PDE3A: variants seen among roughly 807,000 people sequenced by gnomAD.
PDE3A encodes the protein phosphodiesterase 3A.
Under a neutral mutation model 98.3 loss-of-function variants are expected in PDE3A, and 43 were observed. That is an observed-to-expected ratio of 0.44 (90% CI 0.34 to 0.56). PDE3A has a LOEUF of 0.56. Among genes scored for constraint, PDE3A ranks in the 20% least tolerant of loss-of-function variants. The probability of loss-of-function intolerance (pLI) is 0.01; values close to 1 mark genes in which losing one functional copy is unlikely to be tolerated. For missense variants in PDE3A, 1,427 were observed against 1,440.7 expected (o/e 0.99, Z 0.15); for synonymous variants, 663 against 567.9 (o/e 1.17, Z -2.38).
chr12:20,639,239 GGATACCAGTA>G (rs1944591943), intron 9 of PDE3A, among the ~76,000 whole-genome samples: 2 of 151,974 alleles, frequency 1.3e-5, no homozygotes, highest in African/African-American at 2.4e-5. Flanking sequence ...TAAGAGTCAT[GGATACCAGTA>G]GACAATAAAA....
intron 5 of PDE3A, among the ~76,000 whole-genome samples, chr12:20,629,275 T>A (rs953177380): frequency 2.0e-5 from 3 of 152,162 alleles, no homozygotes; most frequent in African/African-American, 7.2e-5. Context: ...AATGGAAACT[T>A]TAGGTCTATT....
chr12:20,571,944 G>C, intron 2 of PDE3A: 1 of 1,057,278 alleles, frequency 9.5e-7, no homozygotes, highest in Non-Finnish European at 1.1e-6. Flanking sequence ...GGCATAAAAT[G>C]GGAAATTTGA....
Position 20,552,486 on chromosome 12 carries a change from G to A in PDE3A, c.961-4174G>A. 2 of 1,613,044 alleles carry A rather than the reference G, an allele frequency of 1.2e-6. No individual in the cohort carries two copies. The highest frequency in any genetic ancestry group is 2.7e-5 in the African/African-American group (2 of 75,020). ...ACCTGGAAGCCCTGGCCAACCGAGA[G>A]CGAGAGAAGGAGAACAGCAAGAGGG... On this transcript the variant is annotated intron_variant, in intron 1 of 15. Coordinates refer to ENST00000359062, the MANE Select transcript of PDE3A (RefSeq NM_000921.5). The surrounding 1 kb of genome is among the most constrained non-coding windows in gnomAD (Gnocchi z 5.1).
At chr12:20,392,730 G>A (rs1462464396) in intron 1 of PDE3A, among the ~76,000 whole-genome samples, 1 of 152,004 alleles carries the variant, frequency 6.6e-6, no homozygotes, top group African/African-American at 2.4e-5. Context: ...ATTAACTTCA[G>A]TGTCTATCAA....
chr12:20,488,058 G>A (rs932004267), intron 1 of PDE3A, among the ~76,000 whole-genome samples: 2 of 151,850 alleles, frequency 1.3e-5, no homozygotes, highest in Middle Eastern at 6.4e-3. Flanking sequence ...CGTTACCCAG[G>A]AGCATTATGA....
intron 2 of PDE3A, among the ~76,000 whole-genome samples, chr12:20,607,797 C>T (rs1943748745): frequency 1.3e-5 from 2 of 151,900 alleles, no homozygotes; most frequent in African/African-American, 2.4e-5. Flanking sequence ...TAGTGTGGCT[C>T]GTACTGCACT....
At chr12:20,409,452 T>C (rs1944294253) in intron 1 of PDE3A, among the ~76,000 whole-genome samples, 1 of 152,188 alleles carries the variant, frequency 6.6e-6, no homozygotes, top group African/African-American at 2.4e-5. Flanking sequence ...AAATAATTTT[T>C]ACCTACAATT....
At chr12:20,391,605 T>A (rs938053720) in intron 1 of PDE3A, among the ~76,000 whole-genome samples, 1 of 151,564 alleles carries the variant, frequency 6.6e-6, no homozygotes, top group Non-Finnish European at 1.5e-5. Context: ...TCCGTTTATG[T>A]ATGTGTTACT....
chr12:20,648,541 A>G lies in PDE3A; in HGVS notation c.2566-147A>G, dbSNP rs913797787. On this transcript the variant is annotated intron_variant, in intron 12 of 15. Coordinates refer to ENST00000359062, the MANE Select transcript of PDE3A (RefSeq NM_000921.5). ...AAAAATAATAGAGTCATTGTACAGT[A>G]ATAAGTGATTCTTAATAAGCAGGAG... The G allele has an allele frequency of 3.3e-5, 21 of 631,450 alleles. No individual in the cohort carries two copies. In the African/African-American group the frequency reaches 3.5e-4, roughly 10 times the overall value. 39.1% of individuals were successfully genotyped at this position (631,450 alleles called of 1,614,324 possible).
intron 2 of PDE3A, among the ~76,000 whole-genome samples, chr12:20,577,318 G>A (rs1476334203): frequency 6.6e-6 from 1 of 152,074 alleles, no homozygotes; most frequent in Admixed American, 6.6e-5. Context: ...ATGAAATGGT[G>A]GGTTAGGTAG....
intron 1 of PDE3A, among the ~76,000 whole-genome samples, chr12:20,483,009 C>CTA (rs1945658041): frequency 1.3e-5 from 2 of 152,068 alleles, no homozygotes; most frequent in South Asian, 2.1e-4. Flanking sequence ...TATTTCCTCT[C>CTA]TTTATAGCAC....
intron 1 of PDE3A, among the ~76,000 whole-genome samples, chr12:20,540,627 G>A (rs762631108): frequency 9.2e-5 from 14 of 152,098 alleles, no homozygotes; most frequent in Non-Finnish European, 1.6e-4. Flanking sequence ...TTTCAAATGC[G>A]ACTTTCTGAT....
intron 2 of PDE3A, among the ~76,000 whole-genome samples, chr12:20,605,770 G>A (rs2121424321): frequency 6.6e-6 from 1 of 152,286 alleles, no homozygotes; most frequent in Non-Finnish European, 1.5e-5. Context: ...CAATTCTAAT[G>A]TTTCAGCATT....
intron 15 of PDE3A, among the ~76,000 whole-genome samples, chr12:20,665,556 A>C (rs1945287403): frequency 6.6e-6 from 1 of 152,158 alleles, no homozygotes; most frequent in Non-Finnish European, 1.5e-5. Context: ...TAGAAGAGAA[A>C]CTATTTGGAA....
intron 15 of PDE3A, among the ~76,000 whole-genome samples, chr12:20,657,889 A>G (rs1218220677): frequency 4.6e-5 from 7 of 152,224 alleles, no homozygotes; most frequent in Admixed American, 4.6e-4. Flanking sequence ...CTATGAATGC[A>G]CTGCCATCAA....
intron 1 of PDE3A, among the ~76,000 whole-genome samples, chr12:20,429,262 G>A (rs746668512): frequency 3.3e-5 from 5 of 152,128 alleles, no homozygotes; most frequent in African/African-American, 4.8e-5. Flanking sequence ...AAGCCCATAC[G>A]TTCTAGTGAT....
At chr12:20,659,364 T>C (rs1176678393) in intron 15 of PDE3A, among the ~76,000 whole-genome samples, 1 of 152,162 alleles carries the variant, frequency 6.6e-6, no homozygotes, top group Non-Finnish European at 1.5e-5. Flanking sequence ...GTTAAAAGAA[T>C]GACTAGCCCT....
intron 1 of PDE3A, among the ~76,000 whole-genome samples, chr12:20,465,108 T>C (rs1244005322): frequency 6.6e-6 from 1 of 152,200 alleles, no homozygotes; most frequent in Admixed American, 6.5e-5. Context: ...TAGTTACATA[T>C]AGTTCATTAA....
chr12:20,432,992 T>G (rs1045474298), intron 1 of PDE3A, among the ~76,000 whole-genome samples: 1 of 152,120 alleles, frequency 6.6e-6, no homozygotes, highest in Non-Finnish European at 1.5e-5. Context: ...TCTGGCTCCA[T>G]TTTCCCAGGA....
Sources: gnomAD v4.1 joint callset for allele counts (sites outside exome capture counted in the v4.1 genomes callset) on GRCh38, gnomAD v4.1.1 for gene constraint, Gnocchi (gnomAD v3.1) non-coding constraint, MANE v1.5 for transcripts, NCBI Gene and HGNC (gene_info 2026-07-23, HGNC 2026-07-21) for gene names.